The following TSPAN9 variants were observed in gnomAD, a reference collection of about 807,000 sequenced individuals.
TSPAN9 encodes tetraspanin 9.
A neutral mutation model predicts 31.0 loss-of-function variants in TSPAN9; 16 were observed. The ratio of observed to expected loss-of-function variants is 0.52; its 90% CI spans 0.35 to 0.78. TSPAN9 has a LOEUF of 0.78. Ranked by LOEUF, TSPAN9 falls within the 30% of genes least tolerant of loss-of-function variation. The pLI is 0.01. For synonymous variants in TSPAN9, 145 were observed against 121.6 expected, an observed-to-expected ratio of 1.19 and a Z score of -1.27; for missense variants, 272 against 312.5, an observed-to-expected ratio of 0.87 and a Z score of 0.98.
At chr12:3,110,616 C>G (rs2093348457) in intron 2 of TSPAN9, among the ~76,000 whole-genome samples, 1 of 152,112 alleles carries the variant, frequency 6.6e-6, no homozygotes, top group Non-Finnish European at 1.5e-5. Flanking sequence ...ATCCTTTGTG[C>G]CTAGAGCTGT....
At chr12:3,084,665 A>C (rs12371560) in intron 2 of TSPAN9, among the ~76,000 whole-genome samples, 63,115 of 152,148 alleles carry the variant, frequency 0.41, 15,323 homozygotes, top group African/African-American at 0.68. Context: ...AAATGTCCAC[A>C]ACCAATTTAA....
chr12:3,083,745 G>T (rs895427140), intron 2 of TSPAN9, 26 bp downstream of exon 2: 1 of 152,234 alleles, frequency 6.6e-6, no homozygotes, highest in Non-Finnish European at 1.5e-5. Flanking sequence ...GGTCCATTGT[G>T]GGGTAGGGCC....
At chr12:3,109,013 G>A (rs546044174) in intron 2 of TSPAN9, among the ~76,000 whole-genome samples, 16 of 151,824 alleles carry the variant, frequency 1.1e-4, no homozygotes, top group African/African-American at 3.4e-4. Context: ...TCCGCTCACT[G>A]CAAGCTCCGC....
At chr12:3,109,164 C>T (rs1321239948) in intron 2 of TSPAN9, among the ~76,000 whole-genome samples, 2 of 151,796 alleles carry the variant, frequency 1.3e-5, no homozygotes, top group African/African-American at 2.4e-5. Context: ...TCTCGATCTC[C>T]TGACCTCGTG....
intron 3 of TSPAN9, among the ~76,000 whole-genome samples, chr12:3,240,948 T>C (rs1161528429): frequency 1.3e-5 from 2 of 152,172 alleles, no homozygotes; most frequent in African/African-American, 4.8e-5. Context: ...AGTATGCTAT[T>C]TTCTTGCCTT....
chr12:3,135,941 C>T (rs904372099), intron 2 of TSPAN9, among the ~76,000 whole-genome samples: 1 of 152,174 alleles, frequency 6.6e-6, no homozygotes, highest in Non-Finnish European at 1.5e-5. Flanking sequence ...AAAATCTTTG[C>T]CACGTGTGCT....
At chr12:3,152,597 C>CTTTTTTTTTTTTTTTTT (rs367668971) in intron 2 of TSPAN9, among the ~76,000 whole-genome samples, 6 of 150,984 alleles carry the variant, frequency 4.0e-5, no homozygotes, top group Admixed American at 2.0e-4. Flanking sequence ...TCTTTTCTTT[C>CTTTTTTTTTTTTTTTTT]TTTTTTGAGA....
intron 2 of TSPAN9, among the ~76,000 whole-genome samples, chr12:3,116,100 T>C (rs940695137): frequency 6.6e-6 from 1 of 152,254 alleles, no homozygotes; most frequent in Admixed American, 6.5e-5. Context: ...GTAAAAGCAA[T>C]GTATGTTTAT....
chr12:3,162,736 C>T (rs2098346088), intron 2 of TSPAN9, among the ~76,000 whole-genome samples: 1 of 152,108 alleles, frequency 6.6e-6, no homozygotes, highest in Non-Finnish European at 1.5e-5. Flanking sequence ...CTAATAGGTC[C>T]CCCGGGTAGA....
chr12:3,104,645 C>T (rs1006428062), intron 2 of TSPAN9, among the ~76,000 whole-genome samples: 9 of 152,146 alleles, frequency 5.9e-5, no homozygotes, highest in Non-Finnish European at 2.9e-5. Flanking sequence ...TGAGCCACTG[C>T]GCCTGGCCTC....
chr12:3,096,139 G>A (rs2098308699), intron 2 of TSPAN9, among the ~76,000 whole-genome samples: 3 of 152,226 alleles, frequency 2.0e-5, no homozygotes, highest in South Asian at 2.1e-4. Flanking sequence ...GCTGCCGCTT[G>A]TGTAGTTTTA....
intron 2 of TSPAN9, among the ~76,000 whole-genome samples, chr12:3,135,169 A>C (rs923445355): frequency 1.3e-5 from 2 of 152,120 alleles, no homozygotes; most frequent in African/African-American, 4.8e-5. Flanking sequence ...TGCAGCCTCG[A>C]ACCTCCTGTG....
At chr12:3,243,034 A>G (rs1322940446) in intron 3 of TSPAN9, among the ~76,000 whole-genome samples, 1 of 152,194 alleles carries the variant, frequency 6.6e-6, no homozygotes, top group Non-Finnish European at 1.5e-5. Context: ...AGCCTGAGAA[A>G]GTTGGGGTGT....
intron 8 of TSPAN9, 27 bp from the exon 9 acceptor site, chr12:3,283,018 C>T (rs1862927585): frequency 2.5e-6 from 4 of 1,604,886 alleles, no homozygotes; most frequent in Non-Finnish European, 3.4e-6. Flanking sequence ...GCAGCTCCTG[C>T]CTCAGGCCCC....
At chr12:3,091,943 A>G (rs1360597554) in intron 2 of TSPAN9, among the ~76,000 whole-genome samples, 2 of 152,136 alleles carry the variant, frequency 1.3e-5, no homozygotes, top group African/African-American at 4.8e-5. Flanking sequence ...GGGTGCCAGC[A>G]TTGTGCTCCT....
intron 3 of TSPAN9, among the ~76,000 whole-genome samples, chr12:3,209,451 G>A (rs116614891): frequency 0.015 from 2,267 of 152,200 alleles, 75 homozygotes; most frequent in African/African-American, 0.051. Context: ...GTCTTCTGGT[G>A]TACATGTGGA....
chr12:3,269,727 C>T (rs35201994), intron 3 of TSPAN9, among the ~76,000 whole-genome samples: 58,595 of 152,140 alleles, frequency 0.39, 13,464 homozygotes, highest in South Asian at 0.6. Flanking sequence ...AGGAGCTGCA[C>T]GGGCTGGTAG....
chr12:3,139,261 C>G (rs971843716), intron 2 of TSPAN9, among the ~76,000 whole-genome samples: 1 of 152,212 alleles, frequency 6.6e-6, no homozygotes, highest in Non-Finnish European at 1.5e-5. Context: ...GGGTTGTTCT[C>G]GATCCTTCCG....
At chr12:3,277,106 C>T (rs755859761) in intron 3 of TSPAN9, among the ~76,000 whole-genome samples, 1 of 152,174 alleles carries the variant, frequency 6.6e-6, no homozygotes, top group Non-Finnish European at 1.5e-5. Context: ...ACCCACTTCA[C>T]GTAGCTTATT....
Sources: allele counts gnomAD v4.1 joint callset (sites outside exome capture counted in the v4.1 genomes callset), GRCh38; gene constraint gnomAD v4.1.1; transcripts MANE v1.5; gene names NCBI Gene and HGNC (gene_info 2026-07-23, HGNC 2026-07-21).